NEB: variants seen among roughly 807,000 people sequenced by gnomAD.
The protein encoded by NEB is nemaline myopathy type 2.
NEB carries 512 observed loss-of-function variants against 952.2 expected under a neutral mutation model. That is an observed-to-expected ratio of 0.54 (90% CI 0.50 to 0.58). The LOEUF is 0.58. NEB is among the 20% of genes least tolerant of loss of function. NEB has a pLI of 0.00. For synonymous variants in NEB, 2,900 were observed against 3,149.8 expected (o/e 0.92, Z 2.66); for missense variants, 8,428 against 9,231.1 (o/e 0.91, Z 3.56).
chr2:151,731,313 A>G (rs1037486047), intron 3 of NEB, among the ~76,000 whole-genome samples: 1 of 152,188 alleles, frequency 6.6e-6, no homozygotes, highest in Non-Finnish European at 1.5e-5. Flanking sequence ...CACTAATTAG[A>G]TAGTGCATCC....
intron 78 of NEB, among the ~76,000 whole-genome samples, chr2:151,611,236 T>G (rs2097944290): frequency 1.3e-5 from 2 of 152,196 alleles, no homozygotes; most frequent in African/African-American, 4.8e-5. Context: ...AACCCAACTC[T>G]ACTATTTCCA....
chr2:151,487,145 G>C (rs2051337900), intron 181 of NEB, among the ~76,000 whole-genome samples: 1 of 152,160 alleles, frequency 6.6e-6, no homozygotes, highest in African/African-American at 2.4e-5. Context: ...GAAGAGGTCA[G>C]TCTTGTATTT....
rs1276224721 is a variant in NEB at position 151,515,056 on chromosome 2, TCA to T, written c.22906-130_22906-129del. ...CTCTTAATCATAGTTCTGCTAATGG[TCA>T]CACATTTGAAACATGTATGATTGTA... On this transcript the variant is annotated intron_variant, in intron 157 of 181. Coordinates refer to ENST00000397345, the MANE Select transcript of NEB (RefSeq NM_001164508.2). 7.9e-6 allele frequency: 5 copies of T among 636,730 alleles called. No homozygotes were observed. The East Asian group carries it at 1.4e-4, about 17-fold the overall frequency. 39.4% of individuals were successfully genotyped at this position (636,730 alleles called of 1,614,324 possible).
At position 151,547,455 on chromosome 2, in the gene NEB, G is replaced by A. The variant is rs755793871; in HGVS notation, c.20341C>T (p.Arg6781Cys). The A allele has an allele frequency of 3.5e-5, 56 of 1,604,236 alleles. 1 individual carries two copies. Among genetic ancestry groups the A allele is most frequent in the Admixed American group, 1.0e-4 (6 of 58,644 alleles). The change falls in exon 133 of 182, where the codon CGC (arginine) becomes TGC (cysteine). Residue 6781 changes from arginine (R) to cysteine (C), a missense_variant. Arg to Cys is a radical substitution (Grantham distance 180). Coordinates refer to ENST00000397345, the MANE Select transcript of NEB (RefSeq NM_001164508.2). ...TCACTGGTGATGTCTCCCACATAGC[G>A]GCAATGGATCACTTGGGGTGTGTAT... ...LPYTPQVIHC[R>C]YVGDITSDIK...
intron 110 of NEB, among the ~76,000 whole-genome samples, chr2:151,569,033 A>G (rs762859036): frequency 5.3e-5 from 8 of 152,196 alleles, no homozygotes; most frequent in African/African-American, 9.7e-5. Context: ...TGCTGACAAA[A>G]AGATTTTTCC....
chr2:151,491,601 CTTCAGAG>C (rs1360908295), intron 179 of NEB, 75 bp downstream of exon 179: 59 of 1,205,756 alleles, frequency 4.9e-5, no homozygotes, highest in Non-Finnish European at 6.3e-5. Flanking sequence ...AGGGAAGGAA[CTTCAGAG>C]CCCAAATGAA....
At chr2:151,724,176 T>A in intron 8 of NEB, 84 bp downstream of exon 8, 1 of 1,033,098 alleles carries the variant, frequency 9.7e-7, no homozygotes, top group African/African-American at 1.6e-5. Context: ...GTATTCCAGA[T>A]GATCAAGAGT....
Position 151,669,039 on chromosome 2 carries a change from G to A in NEB, c.4599C>T (p.Leu1533=). The stretch of plus-strand genomic sequence containing the variant: ...GCCAAATACTCACATCACTCATGTT[G>A]AGGGCGTTGACTTTGGCTTGAATAA... ...PQFIQAKVNA[L]NMSDAHYKAD... Residue 1533 remains leucine (L), a synonymous_variant, in exon 39 of 182, where the codon CTC becomes CTT. Transcript: ENST00000397345. The A allele has an allele frequency of 6.3e-7, 1 of 1,590,920 alleles. No homozygotes were observed.
At chr2:151,637,861 A>G (rs1343270968) in intron 63 of NEB, among the ~76,000 whole-genome samples, 2 of 152,252 alleles carry the variant, frequency 1.3e-5, no homozygotes, top group African/African-American at 4.8e-5. Flanking sequence ...CTATACAAGC[A>G]CTAAAATTAC....
rs1248225972 is a variant in NEB at position 151,498,331 on chromosome 2, C to A, written c.24136G>T (p.Gly8046Trp). The change falls in exon 170 of 182, where the codon GGG (glycine) becomes TGG (tryptophan). Residue 8046 changes from glycine (G) to tryptophan (W), a missense_variant. Gly to Trp is a radical substitution (Grantham distance 184). Around this residue, in one of 11 missense-constraint regions of NEB, gnomAD observed 3,374 missense variants for 3,651.5 expected, o/e 0.92. Coordinates refer to ENST00000397345, the MANE Select transcript of NEB (RefSeq NM_001164508.2). ...FSSVLYKENL[G>W]TGIPIPITPE... ...GTGATGGGGATTGGAATTCCTGTCC[C>A]CAGGTTTTCTTTGTATAGCACCTGT... 6.4e-7 allele frequency: 1 copy of A among 1,550,984 alleles called. No homozygotes were observed. The highest frequency in any genetic ancestry group is 1.4e-5 in the African/African-American group (1 of 73,050).
Position 151,682,139 on chromosome 2 carries a change from A to G in NEB, c.2943+523T>C, listed in dbSNP as rs1439290722. Among the ~76,000 whole-genome samples, 4 of 152,202 alleles carry G rather than the reference A, an allele frequency of 2.6e-5. No homozygotes were observed. The South Asian group carries it at 8.3e-4, about 31-fold the overall frequency. On this transcript the variant is annotated intron_variant, in intron 29 of 181. Transcript: ENST00000397345. ...AAGTGAAAGAAGCCAGATACAAAAT[A>G]AATTTCTAGAAAAGATAAAACTTTA...
intron 138 of NEB, 94 bp downstream of exon 138, chr2:151,540,250 A>G (rs866977419): frequency 1.3e-6 from 1 of 759,358 alleles, no homozygotes. Flanking sequence ...CATGGTTTAG[A>G]ACTATGGATA....
chr2:151,536,819 C>T (rs1024457654), intron 141 of NEB, among the ~76,000 whole-genome samples: 7 of 152,152 alleles, frequency 4.6e-5, no homozygotes, highest in African/African-American at 1.7e-4. Context: ...AATAATCCCA[C>T]TTTATATTGG....
Position 151,568,374 on chromosome 2 carries a change from G to T in NEB, c.17678C>A (p.Thr5893Asn), listed in dbSNP as rs1308591038. ...KDWNATKSKYTLTETPLLHTA... is the reference protein window; with the variant it reads ...KDWNATKSKYNLTETPLLHTA... The stretch of plus-strand genomic sequence containing the variant: ...GTGCAGCAGGGGGGTTTCTGTGAGG[G>T]TGTACTTTGATTTGGTGGCATTCCA... The change falls in exon 112 of 182, where the codon ACC becomes AAC. Residue 5893 changes from threonine (T) to asparagine (N), a missense_variant. Thr to Asn is a moderately conservative substitution (Grantham distance 65, BLOSUM62 0). This residue lies in a region of NEB where 3,374 missense variants were observed against 3,651.5 expected (regional missense o/e 0.92). Transcript: ENST00000397345. The T allele has an allele frequency of 2.4e-5, 38 of 1,613,158 alleles. No individual in the cohort carries two copies. The highest frequency in any genetic ancestry group is 3.2e-5 in the Non-Finnish European group (38 of 1,179,782).
chr2:151,723,750 G>GGTTTTTTTT (rs1553685530), intron 8 of NEB, among the ~76,000 whole-genome samples: 2 of 51,380 alleles, frequency 3.9e-5, no homozygotes, highest in African/African-American at 7.2e-5. Context: ...TGCCTTCTTT[G>GGTTTTTTTT]TTTTTTTTTT....
chr2:151,672,291 G>A (rs2099310878), intron 37 of NEB, 78 bp downstream of exon 37: 3 of 1,315,968 alleles, frequency 2.3e-6, no homozygotes, highest in Admixed American at 2.5e-5. Context: ...GCTGACTGTA[G>A]TATGAAGTCT....
intron 125 of NEB, among the ~76,000 whole-genome samples, chr2:151,554,331 CAGG>C (rs987417179): frequency 2.6e-5 from 4 of 151,966 alleles, no homozygotes; most frequent in African/African-American, 9.7e-5. Context: ...GAGACTGAGG[CAGG>C]AGAATTGCTT....
At chr2:151,631,110 A>G in intron 66 of NEB, 33 bp downstream of exon 66, 1 of 1,609,978 alleles carries the variant, frequency 6.2e-7, no homozygotes. Flanking sequence ...ATCTTCTGGC[A>G]TCTTGGAGAA....
rs1457424177 is a variant in NEB, at chr2:151,614,571, C to T, written c.11306G>A (p.Gly3769Asp). ...ATGGTGGCCAAGCTGTTTGCGGTAGCCTTCCTTGTACTTGTACTAAAAAAA... is the reference window on the plus strand; with the variant it reads ...ATGGTGGCCAAGCTGTTTGCGGTAGTCTTCCTTGTACTTGTACTAAAAAAA... ...DIASDYKYKE[G>D]YRKQLGHHIG... The change falls in exon 77 of 182, where the codon GGC (glycine) becomes GAC (aspartate). Residue 3769 changes from glycine to aspartate, a missense_variant. Gly to Asp is a moderately conservative substitution (Grantham distance 94). This residue lies in a region of NEB where 1,772 missense variants were observed against 1,960.3 expected (regional missense o/e 0.90). Transcript: ENST00000397345. 5 of 1,613,454 alleles carry T rather than the reference C, an allele frequency of 3.1e-6. No homozygotes were observed. Among genetic ancestry groups the T allele is most frequent in the African/African-American group, 1.3e-5 (1 of 74,996 alleles).
Sources: gnomAD v4.1 joint callset for allele counts (sites outside exome capture counted in the v4.1 genomes callset) on GRCh38, gnomAD v4.1.1 for gene constraint, gnomAD v4.1.1 regional missense constraint, MANE v1.5 for transcripts, NCBI Gene and HGNC (gene_info 2026-07-23, HGNC 2026-07-21) for gene names.